SATB1: variants seen among roughly 807,000 people sequenced by gnomAD.
SATB1 encodes the protein DNA-binding protein SATB1.
SATB1 carries 11 observed loss-of-function variants against 86.9 expected under a neutral mutation model. The observed-to-expected ratio is 0.13, with a 90% CI of 0.08 to 0.21. The LOEUF is 0.21. SATB1 is among the 10% of genes least tolerant of loss of function. The pLI is 1.00. For missense variants in SATB1, 551 were observed against 937.6 expected, an observed-to-expected ratio of 0.59 and a Z score of 5.39; for synonymous variants, 357 against 357.2, an observed-to-expected ratio of 1.00 and a Z score of 0.01.
At chr3:18,427,321 A>C (rs1415376631), upstream of SATB1, among the ~76,000 whole-genome samples, 2 of 152,130 alleles carry the variant, frequency 1.3e-5, no homozygotes, top group African/African-American at 4.8e-5. Flanking sequence ...GGGACTGTGC[A>C]CTCTAGTGCC....
At chr3:18,416,850 G>C in intron 3 of SATB1, 52 bp downstream of exon 3, 1 of 1,480,264 alleles carries the variant, frequency 6.8e-7, no homozygotes, top group Non-Finnish European at 9.2e-7. Context: ...TCTCTGCAAG[G>C]TAAACAAAGA....
At chr3:18,436,839 G>GT (rs1209575560) in exon 2 of SATB1, 1 of 152,066 alleles carries the variant, frequency 6.6e-6, no homozygotes, top group Non-Finnish European at 1.5e-5. Context: ...ATACTAGTGC[G>GT]TTTTTAAGAG....
In SATB1 at chr3:18,443,838, G is replaced by A. The variant is rs951979520; in HGVS notation, c.-25+1680C>T. ...TGTCCCGGCCCCTGCTAAGAGGACG[G>A]CCCTTTCTTCTGCCTCTTGCCCAAC... On this transcript the variant is annotated intron_variant, in intron 1 of 3. Coordinates refer to the SATB1 transcript ENST00000415069. The surrounding 1 kb of genome is among the most constrained non-coding windows in gnomAD (Gnocchi z 4.4). 5.3e-5 allele frequency among the ~76,000 whole-genome samples: 8 copies of A among 152,294 alleles called. No individual in the cohort carries two copies. The highest frequency in any genetic ancestry group is 1.4e-4 in the African/African-American group (6 of 41,560).
At chr3:18,377,922 A>G (rs1293743534) in intron 9 of SATB1, among the ~76,000 whole-genome samples, 1 of 152,198 alleles carries the variant, frequency 6.6e-6, no homozygotes, top group Non-Finnish European at 1.5e-5. Context: ...ATCCTTCTCA[A>G]AATACCTATT....
At chr3:18,443,492 G>C (rs919146357), upstream of SATB1, among the ~76,000 whole-genome samples, 1 of 152,234 alleles carries the variant, frequency 6.6e-6, no homozygotes. This position sits in a 1 kb window ranked among gnomAD's most constrained non-coding sequence, Gnocchi z 4.4. Flanking sequence ...CTTTGAGAGA[G>C]GACCCTGTGG....
chr3:18,402,340 CA>C (rs902826104), intron 5 of SATB1, among the ~76,000 whole-genome samples: 2 of 151,284 alleles, frequency 1.3e-5, no homozygotes, highest in South Asian at 2.1e-4. Flanking sequence ...TAACAACAAC[CA>C]AAAAAAACCA....
chr3:18,419,681 A>G (rs1698293410), intron 2 of SATB1, among the ~76,000 whole-genome samples: 1 of 152,156 alleles, frequency 6.6e-6, no homozygotes, highest in Admixed American at 6.5e-5. Flanking sequence ...TAATGCTCTT[A>G]CCCTGGCTTT....
chr3:18,351,459 AGT>A (rs1164660604), intron 10 of SATB1: 10 of 1,368,450 alleles, frequency 7.3e-6, no homozygotes, highest in Non-Finnish European at 1.0e-5. Context: ...CATTCTGTAA[AGT>A]GTGGGGAGAC....
chr3:18,436,524 AAT>A (rs1176761962), intron 2 of SATB1, among the ~76,000 whole-genome samples: 27 of 151,918 alleles, frequency 1.8e-4, no homozygotes, highest in Admixed American at 2.6e-4. Context: ...AAAAAAAAAA[AAT>A]CATCCAATTA....
At chr3:18,402,721 C>T (rs1299129423) in intron 5 of SATB1, among the ~76,000 whole-genome samples, 1 of 152,020 alleles carries the variant, frequency 6.6e-6, no homozygotes, top group East Asian at 1.9e-4. Flanking sequence ...AAAAACAGGA[C>T]TGTGATATCA....
In SATB1 at chr3:18,352,035, T is replaced by A; in HGVS notation, c.1736A>T (p.Asp579Val). Residue 579 changes from aspartate (D) to valine (V), a missense_variant, in exon 10 of 11, where the codon GAC becomes GTC. Physicochemically the swap from Asp to Val is radical, Grantham distance 152 (BLOSUM62 -3). This residue lies in a region of SATB1 where 87 missense variants were observed against 103.6 expected (regional missense o/e 0.84). Coordinates refer to ENST00000338745, the MANE Select transcript of SATB1 (RefSeq NM_002971.6). This position sits in a 1 kb window ranked among gnomAD's most constrained non-coding sequence, Gnocchi z 4.1. ...AACATGGATAATGTGGGGCGGCCTG[T>A]CGCCATGGTGATGCACCGCGTTGCT... ...QESNAVHHHG[D>V]RPPHIIHVPA... The A allele has an allele frequency of 1.2e-6, 2 of 1,614,248 alleles. No homozygotes were observed. Among genetic ancestry groups the A allele is most frequent in the Non-Finnish European group, 1.7e-6 (2 of 1,180,036 alleles).
chr3:18,441,798 TCTCC>T (rs1699250509), upstream of SATB1, among the ~76,000 whole-genome samples: 2 of 152,148 alleles, frequency 1.3e-5, 1 homozygote, highest in South Asian at 4.1e-4. Context: ...AACTAAAAAT[TCTCC>T]TCCAGATATT....
intron 8 of SATB1, among the ~76,000 whole-genome samples, chr3:18,382,893 G>C (rs1044292283): frequency 1.3e-5 from 2 of 152,190 alleles, no homozygotes; most frequent in Non-Finnish European, 2.9e-5. Context: ...AGGAGCAAGA[G>C]ACTTAGCAGA....
chr3:18,400,351 A>T (rs965193666), intron 5 of SATB1, among the ~76,000 whole-genome samples: 2 of 152,190 alleles, frequency 1.3e-5, no homozygotes, highest in Non-Finnish European at 2.9e-5. Context: ...TCATCTGACA[A>T]AACAGAATAG....
At chr3:18,439,023 A>G (rs1328576026), upstream of SATB1, among the ~76,000 whole-genome samples, 2 of 152,196 alleles carry the variant, frequency 1.3e-5, no homozygotes, top group African/African-American at 2.4e-5. Context: ...AAAATATTGC[A>G]CAGTTAAATG....
chr3:18,366,125 C>T (rs1365315002), intron 9 of SATB1, among the ~76,000 whole-genome samples: 1 of 152,174 alleles, frequency 6.6e-6, no homozygotes, highest in East Asian at 1.9e-4. Context: ...AGCAGCACTC[C>T]TGTTGGTACC....
intron 2 of SATB1, chr3:18,417,596 A>T (rs991874105): frequency 2.8e-5 from 19 of 671,776 alleles, no homozygotes; most frequent in Non-Finnish European, 4.0e-5. Flanking sequence ...ATTAACTCTA[A>T]CTGGTTCCAC....
intron 5 of SATB1, among the ~76,000 whole-genome samples, chr3:18,402,676 T>C (rs776029610): frequency 7.9e-5 from 12 of 152,108 alleles, no homozygotes; most frequent in Non-Finnish European, 1.8e-4. Context: ...ATCTACATGC[T>C]TGCGTTTTTT....
chr3:18,416,511 T>G (rs1338444915), intron 3 of SATB1, among the ~76,000 whole-genome samples: 10 of 152,090 alleles, frequency 6.6e-5, no homozygotes, highest in Non-Finnish European at 1.5e-5. Flanking sequence ...AAAAATACTT[T>G]GCAGCCCATA....
Sources: gnomAD v4.1 joint callset for allele counts (sites outside exome capture counted in the v4.1 genomes callset) on GRCh38, gnomAD v4.1.1 for gene constraint, gnomAD v4.1.1 regional missense constraint, Gnocchi (gnomAD v3.1) non-coding constraint, MANE v1.5 for transcripts, NCBI Gene and HGNC (gene_info 2026-07-23, HGNC 2026-07-21) for gene names.